Variants in CDH3 observed in about 807,000 individuals in gnomAD.
CDH3 encodes the protein cadherin-3.
Under a neutral mutation model 82.0 loss-of-function variants are expected in CDH3, and 54 were observed. The ratio of observed to expected loss-of-function variants is 0.66; its 90% confidence interval spans 0.53 to 0.83. The LOEUF (loss-of-function observed/expected upper bound fraction) is 0.83, where lower values mean the gene tolerates loss of function less well. CDH3 is among the 40% of genes least tolerant of loss of function. CDH3 has a pLI of 0.00. For synonymous variants in CDH3, 446 were observed against 437.9 expected (o/e 1.02, Z -0.23); for missense variants, 1,054 against 1,084.6 (o/e 0.97, Z 0.40).
At chr16:68,686,335 G>A (rs1276787749) in intron 11 of CDH3, 17 of 929,318 alleles carry the variant, frequency 1.8e-5, no homozygotes, top group Middle Eastern at 2.2e-4. Context: ...CTCTCCTTGC[G>A]GCGCTACACA....
At chr16:68,731,895 G>T (rs576428339), downstream of CDH3, among the ~76,000 whole-genome samples, 17 of 152,080 alleles carry the variant, frequency 1.1e-4, no homozygotes, top group East Asian at 3.1e-3. Context: ...AAGGTAGAAA[G>T]ATGAAAGAAG....
At chr16:68,724,068 CAAAA>C (rs55897906) in intron 2 of CDH3, among the ~76,000 whole-genome samples, 5 of 112,672 alleles carry the variant, frequency 4.4e-5, no homozygotes, top group East Asian at 2.6e-4. Flanking sequence ...GACTCCGTCT[CAAAA>C]AAAAAAAAAA....
chr16:68,703,784 TA>T (rs1961925149), downstream of CDH3, among the ~76,000 whole-genome samples: 1 of 151,298 alleles, frequency 6.6e-6, no homozygotes, highest in African/African-American at 2.4e-5. Context: ...CCATCTCTAC[TA>T]AAAATTTAAA....
At chr16:68,670,140 C>T (rs1444831055) in intron 2 of CDH3, among the ~76,000 whole-genome samples, 3 of 146,090 alleles carry the variant, frequency 2.1e-5, no homozygotes, top group South Asian at 2.1e-4. Flanking sequence ...AGGAGAATGA[C>T]GTGAACCTAG....
chr16:68,698,554 G>C lies in CDH3; in HGVS notation c.*154G>C, dbSNP rs1886699. On this transcript the variant is annotated 3_prime_UTR_variant, in exon 16 of 16. Transcript: ENST00000264012. ...GCTATGAGTCTGACGTTAGAGTGGT[G>C]GCTTCCTTAGCCTTTCAGGATGGAG... 1 of 657,936 alleles carries C rather than the reference G, an allele frequency of 1.5e-6. No homozygotes were observed. The highest frequency in any genetic ancestry group is 2.7e-6 in the Non-Finnish European group (1 of 375,910). The allele number at this position is 657,936 out of a possible 1,614,324, so 40.8% of individuals were successfully genotyped here.
At chr16:68,680,945 C>T in intron 7 of CDH3, 23 bp from the exon 8 acceptor site, 7 of 1,613,824 alleles carry the variant, frequency 4.3e-6, no homozygotes, top group Non-Finnish European at 5.9e-6. Context: ...TCACAATGGG[C>T]TTCCCCTCTC....
At chr16:68,686,570 G>A (rs558798457) in intron 11 of CDH3, 34 of 1,236,692 alleles carry the variant, frequency 2.7e-5, no homozygotes, top group East Asian at 7.0e-5. Context: ...ACCAGTTAGC[G>A]TGAAAGTTGG....
chr16:68,702,077 C>G (rs1333767273), downstream of CDH3, among the ~76,000 whole-genome samples: 1 of 151,454 alleles, frequency 6.6e-6, no homozygotes, highest in African/African-American at 2.4e-5. Flanking sequence ...TTGGTAGACA[C>G]GGGGTTTCAC....
intron 2 of CDH3, among the ~76,000 whole-genome samples, chr16:68,662,836 G>A (rs932661584): frequency 1.4e-5 from 2 of 144,152 alleles, no homozygotes; most frequent in East Asian, 2.1e-4. Flanking sequence ...GTGAGCCACC[G>A]TTCCCGGAGG....
Position 68,691,733 on chromosome 16 carries a change from C to G in CDH3, c.1809C>G (p.Val603=). ...AEVNEEGDTV[V]LSLKKFLKQD... is the part of the protein sequence containing the mutation. ...TGTTCACTCCAGGTGACACAGTGGTCTTGTCCCTGAAGAAGTTCCTGAAGC... is the reference window on the plus strand; with the variant it reads ...TGTTCACTCCAGGTGACACAGTGGTGTTGTCCCTGAAGAAGTTCCTGAAGC... Residue 603 remains valine (V), a synonymous_variant, in exon 13 of 16, where the codon GTC becomes GTG. Coordinates refer to ENST00000264012, the MANE Select transcript of CDH3 (RefSeq NM_001793.6). 4 of 1,613,842 alleles carry G rather than the reference C, an allele frequency of 2.5e-6. No homozygotes were observed. Among genetic ancestry groups the G allele is most frequent in the Non-Finnish European group, 3.4e-6 (4 of 1,179,756 alleles).
intron 15 of CDH3, 101 bp downstream of exon 15, chr16:68,696,024 A>G (rs760435473): frequency 1.6e-6 from 2 of 1,277,528 alleles, no homozygotes; most frequent in African/African-American, 2.9e-5. Flanking sequence ...TCTGGGTTCA[A>G]ATTCTGACTC....
intron 2 of CDH3, among the ~76,000 whole-genome samples, chr16:68,657,120 C>T (rs1430865212): frequency 6.6e-6 from 1 of 152,184 alleles, no homozygotes; most frequent in Non-Finnish European, 1.5e-5. Context: ...CTCCAGCTGA[C>T]AGAATTCCCT....
intron 2 of CDH3, among the ~76,000 whole-genome samples, chr16:68,654,349 G>A (rs540783530): frequency 4.5e-4 from 60 of 132,752 alleles, no homozygotes; most frequent in African/African-American, 1.2e-3. Context: ...GTGAGCCACC[G>A]CACCTGGCCT....
chr16:68,691,675 C>G (rs766248525), intron 12 of CDH3, 45 bp from the exon 13 acceptor site: 6 of 1,468,836 alleles, frequency 4.1e-6, no homozygotes, highest in Non-Finnish European at 5.7e-6. Flanking sequence ...CTCAGATCCC[C>G]GCACTGATGG....
intron 2 of CDH3, among the ~76,000 whole-genome samples, chr16:68,649,362 C>A (rs1960174272): frequency 6.6e-6 from 1 of 152,186 alleles, no homozygotes; most frequent in African/African-American, 2.4e-5. Context: ...TATTTCAGCT[C>A]TGGGTGTAAA....
At chr16:68,705,792 G>C (rs969869353) in intron 1 of CDH3, among the ~76,000 whole-genome samples, 3 of 151,222 alleles carry the variant, frequency 2.0e-5, no homozygotes. Flanking sequence ...TGAGCCGGGC[G>C]CGGTGGCTCA....
In CDH3 at chr16:68,651,463, C is replaced by T. The variant is rs183451932; in HGVS notation, c.160+5713C>T. 8.8e-4 allele frequency: 469 copies of T among 532,842 alleles called. 2 individuals carry two copies. Among genetic ancestry groups the T allele is most frequent in the African/African-American group, 8.2e-3 (426 of 52,046 alleles). 33.0% of individuals were successfully genotyped at this position (532,842 alleles called of 1,614,324 possible). A position where few individuals can be genotyped will look rare whatever the true frequency, so the allele number is the denominator to read the frequency against. On this transcript the variant is annotated intron_variant, in intron 2 of 15. Coordinates refer to ENST00000264012, the MANE Select transcript of CDH3 (RefSeq NM_001793.6). ...TTGGTGCCCATCTGCAGCCCGATGA[C>T]GCACTGGCCGGCCTTCATGGTGTTC...
intron 12 of CDH3, among the ~76,000 whole-genome samples, chr16:68,691,295 C>T (rs556724698): frequency 1.1e-4 from 16 of 151,962 alleles, no homozygotes; most frequent in Admixed American, 2.0e-4. Context: ...TAAGCCACTG[C>T]GCCCAGCCCT....
At chr16:68,651,735 T>A (rs1960254027) in intron 2 of CDH3, 1 of 508,398 alleles carries the variant, frequency 2.0e-6, no homozygotes, top group South Asian at 1.6e-5. Context: ...GTGGTTGATC[T>A]AGGGGACTGA....
Sources: gnomAD v4.1 joint callset for allele counts (sites outside exome capture counted in the v4.1 genomes callset) on GRCh38, gnomAD v4.1.1 for gene constraint, MANE v1.5 for transcripts, NCBI Gene and HGNC (gene_info 2026-07-23, HGNC 2026-07-21) for gene names.